Variants in ACOXL observed in about 807,000 individuals in gnomAD.
ACOXL encodes the protein acyl-CoA oxidase like, also known as acyl-coenzyme A oxidase-like protein.
In ACOXL, 70 loss-of-function variants were observed where a neutral mutation model predicts 71.9. The ratio of observed to expected loss-of-function variants is 0.97; its 90% CI spans 0.80 to 1.19. The LOEUF is 1.19. Among genes scored for constraint, ACOXL ranks in the 50% most tolerant of loss-of-function variants. The pLI, the probability that ACOXL is intolerant of heterozygous loss-of-function variation, is 0.00. For missense variants in ACOXL, 703 were observed against 736.3 expected (o/e 0.95, Z 0.52); for synonymous variants, 253 against 281.6 (o/e 0.90, Z 1.02).
At chr2:110,799,920 C>T (rs1020625306) in intron 7 of ACOXL, among the ~76,000 whole-genome samples, 7 of 152,002 alleles carry the variant, frequency 4.6e-5, no homozygotes, top group Non-Finnish European at 8.8e-5. Flanking sequence ...CACCAATCAG[C>T]GCCCTCTAAA....
chr2:110,821,425 G>T (rs892200760), intron 9 of ACOXL, among the ~76,000 whole-genome samples: 21 of 152,140 alleles, frequency 1.4e-4, no homozygotes, highest in African/African-American at 5.1e-4. Flanking sequence ...ATGCAGCGGG[G>T]CCCAGAGCTG....
intron 9 of ACOXL, among the ~76,000 whole-genome samples, chr2:110,830,481 C>T (rs758136548): frequency 3.3e-4 from 50 of 151,726 alleles, no homozygotes; most frequent in Non-Finnish European, 5.1e-4. Context: ...ACTTCATCTT[C>T]GCTTGTATTC....
At chr2:110,756,947 T>C (rs1679782045) in intron 1 of ACOXL, among the ~76,000 whole-genome samples, 1 of 152,216 alleles carries the variant, frequency 6.6e-6, no homozygotes. Flanking sequence ...GCACATTTGT[T>C]ACATAGGTAA....
rs576550866 is a variant in ACOXL at position 110,999,272 on chromosome 2, C to T, written c.1281+3268C>T. ...GTCCTTCTTCTTATAAGAATACTGTCGTATTGCATTAGGGCCCCACTCTAC... is the reference window on the plus strand; with the variant it reads ...GTCCTTCTTCTTATAAGAATACTGTTGTATTGCATTAGGGCCCCACTCTAC... On this transcript the variant is annotated intron_variant, in intron 14 of 17. Transcript: ENST00000439055. 3.5e-4 allele frequency among the ~76,000 whole-genome samples: 54 copies of T among 152,210 alleles called. 1 individual carries two copies. The highest frequency in any genetic ancestry group is 1.3e-3 in the African/African-American group (52 of 41,528).
chr2:111,048,686 T>G (rs1442886571), intron 15 of ACOXL, among the ~76,000 whole-genome samples: 1 of 152,138 alleles, frequency 6.6e-6, no homozygotes, highest in East Asian at 1.9e-4. Flanking sequence ...TTCTTGGGTT[T>G]CTCTTCCCTA....
intron 12 of ACOXL, among the ~76,000 whole-genome samples, chr2:110,963,877 A>G (rs1558796827): frequency 6.6e-6 from 1 of 152,134 alleles, no homozygotes; most frequent in Non-Finnish European, 1.5e-5. Flanking sequence ...TTTCTCTCTT[A>G]GCTGATCTTT....
intron 12 of ACOXL, among the ~76,000 whole-genome samples, chr2:110,958,646 G>A (rs1197568135): frequency 6.6e-6 from 1 of 152,248 alleles, no homozygotes; most frequent in Non-Finnish European, 1.5e-5. Context: ...AATCCCCAGG[G>A]CACTGAGGGA....
chr2:110,988,875 G>A (rs1463244046), intron 13 of ACOXL, among the ~76,000 whole-genome samples: 3 of 151,734 alleles, frequency 2.0e-5, no homozygotes, highest in African/African-American at 7.3e-5. Context: ...GTGTGTGTGT[G>A]TGTGTGTGTG....
chr2:110,950,810 G>GGAGAGA (rs71383892), intron 12 of ACOXL, among the ~76,000 whole-genome samples: 16,753 of 142,608 alleles, frequency 0.12, 1,073 homozygotes, highest in Middle Eastern at 0.17. Context: ...GGTGGGGGGT[G>GGAGAGA]GAGAGAGAGA....
intron 10 of ACOXL, among the ~76,000 whole-genome samples, chr2:110,905,488 C>A (rs2059407203): frequency 6.6e-6 from 1 of 152,306 alleles, no homozygotes; most frequent in South Asian, 2.1e-4. Flanking sequence ...CCGTTTTGCT[C>A]CCTAGAAGTT....
intron 10 of ACOXL, among the ~76,000 whole-genome samples, chr2:110,845,751 A>C (rs1298128903): frequency 6.6e-6 from 1 of 152,208 alleles, no homozygotes; most frequent in Admixed American, 6.5e-5. Flanking sequence ...CATATTGTAG[A>C]ATGTACCAGA....
chr2:110,847,443 G>C (rs1692052663), intron 10 of ACOXL, among the ~76,000 whole-genome samples: 1 of 152,190 alleles, frequency 6.6e-6, no homozygotes, highest in Non-Finnish European at 1.5e-5. Flanking sequence ...CGTGAAAGTG[G>C]AGGATGAGAG....
intron 1 of ACOXL, among the ~76,000 whole-genome samples, chr2:110,742,120 T>G (rs1014780703): frequency 6.6e-6 from 1 of 152,234 alleles, no homozygotes; most frequent in African/African-American, 2.4e-5. Flanking sequence ...TGCTGTCTTG[T>G]CTTACACACA....
intron 2 of ACOXL, among the ~76,000 whole-genome samples, chr2:110,772,157 A>G (rs1682028880): frequency 6.6e-6 from 1 of 152,254 alleles, no homozygotes; most frequent in African/African-American, 2.4e-5. Context: ...GCCTGAGGTT[A>G]GTTATACAAT....
chr2:110,845,327 C>T (rs1187012717), intron 10 of ACOXL, among the ~76,000 whole-genome samples: 2 of 152,138 alleles, frequency 1.3e-5, no homozygotes, highest in African/African-American at 2.4e-5. Context: ...TCTTCTCATT[C>T]GTGAGGGAGG....
rs535713659 is a variant in ACOXL, at chr2:110,834,299, G to A, written c.754-7072G>A. 1.6e-4 allele frequency among the ~76,000 whole-genome samples: 25 copies of A among 152,332 alleles called. 1 individual carries two copies. The highest frequency in any genetic ancestry group is 1.4e-3 in the Admixed American group (22 of 15,302). ...GGGATGCACAGAATCCACAGCCATT[G>A]TCATGATAATTTCTTTTAAGGGACT... On this transcript the variant is annotated intron_variant, in intron 9 of 17. Coordinates refer to ENST00000439055, the MANE Select transcript of ACOXL (RefSeq NM_001142807.4).
At chr2:110,858,976 C>T (rs2148969920) in intron 10 of ACOXL, among the ~76,000 whole-genome samples, 1 of 152,274 alleles carries the variant, frequency 6.6e-6, no homozygotes. Context: ...TTGTATATAA[C>T]ACAATAAAAT....
chr2:110,925,380 G>A (rs150405599), intron 11 of ACOXL, among the ~76,000 whole-genome samples: 117 of 152,346 alleles, frequency 7.7e-4, no homozygotes, highest in African/African-American at 2.7e-3. Flanking sequence ...GTTGAGTGTA[G>A]CCACTGTAAT....
intron 14 of ACOXL, among the ~76,000 whole-genome samples, chr2:111,017,254 G>C (rs1383708104): frequency 6.6e-6 from 1 of 152,216 alleles, no homozygotes. Flanking sequence ...AAGGCCAGAG[G>C]GCAGGCCCTC....
Sources: allele counts gnomAD v4.1 joint callset (sites outside exome capture counted in the v4.1 genomes callset), GRCh38; gene constraint gnomAD v4.1.1; transcripts MANE v1.5; gene names NCBI Gene and HGNC (gene_info 2026-07-23, HGNC 2026-07-21).